Variants in FAM167A observed in about 807,000 individuals in gnomAD.
FAM167A encodes the protein protein FAM167A.
In FAM167A, 23 loss-of-function variants were observed where a neutral mutation model predicts 14.9. The observed-to-expected ratio is 1.55, with a 90% CI of 1.11 to 2.19. The LOEUF is 2.19. Among genes scored for constraint, FAM167A ranks in the 30% most tolerant of loss-of-function variants. The pLI, the probability that FAM167A is intolerant of heterozygous loss-of-function variation, is 0.00. For synonymous variants in FAM167A, 174 were observed against 117.7 expected, an observed-to-expected ratio of 1.48 and a Z score of -3.10; for missense variants, 401 against 281.5, an observed-to-expected ratio of 1.42 and a Z score of -3.04.
intron 1 of FAM167A, among the ~76,000 whole-genome samples, chr8:11,451,503 G>C (rs915035156): frequency 3.3e-5 from 5 of 152,364 alleles, no homozygotes; most frequent in African/African-American, 1.2e-4. Context: ...TGGACTGTGT[G>C]TCTGTTTGCC....
At chr8:11,443,458 G>A (rs1338068779) in intron 2 of FAM167A, among the ~76,000 whole-genome samples, 4 of 152,130 alleles carry the variant, frequency 2.6e-5, no homozygotes, top group Non-Finnish European at 5.9e-5. Context: ...CCCCAGGCAG[G>A]ACCCATCCCG....
chr8:11,421,643 G>A lies in FAM167A; in HGVS notation c.*2730C>T, dbSNP rs1486274105. ...TGGGTCTTGAACTCGGTCAGGCATC[G>A]TCAAGCCTGCCCAGGCCCTCCAGGC... On this transcript the variant is annotated 3_prime_UTR_variant, in exon 3 of 3. Coordinates refer to ENST00000284486, the MANE Select transcript of FAM167A (RefSeq NM_053279.3). The A allele has an allele frequency of 2.8e-5, 11 of 398,606 alleles. No homozygotes were observed. Among genetic ancestry groups the A allele is most frequent in the East Asian group, 3.6e-5 (1 of 28,086 alleles). 24.7% of individuals were successfully genotyped at this position (398,606 alleles called of 1,614,324 possible).
At chr8:11,428,038 A>C (rs1311685290) in intron 2 of FAM167A, among the ~76,000 whole-genome samples, 2 of 152,238 alleles carry the variant, frequency 1.3e-5, no homozygotes, top group Non-Finnish European at 1.5e-5. Context: ...CCATTGCCTT[A>C]GTACAGTCAT....
intron 1 of FAM167A, among the ~76,000 whole-genome samples, chr8:11,459,966 G>A (rs571666216): frequency 8.5e-5 from 13 of 152,326 alleles, no homozygotes; most frequent in African/African-American, 2.6e-4. Context: ...GACATCAGGT[G>A]ATCTGCCTGC....
chr8:11,429,522 G>T (rs1805427803), intron 2 of FAM167A, among the ~76,000 whole-genome samples: 2 of 152,230 alleles, frequency 1.3e-5, no homozygotes, highest in African/African-American at 2.4e-5. Context: ...GTTTGACATA[G>T]ATTGTTTCAT....
chr8:11,423,480 A>C lies in FAM167A; in HGVS notation c.*893T>G, dbSNP rs1478663854. On this transcript the variant is annotated 3_prime_UTR_variant, in exon 3 of 3. Transcript: ENST00000284486. ...TCTGGGCTCCCTAGATTGTCTTTCC[A>C]GAGAGGGCAGTAAGGTGACACCACC... is the stretch of plus-strand genomic sequence containing the variant. 1 of 152,562 alleles carries C rather than the reference A, an allele frequency of 6.6e-6. No individual in the cohort carries two copies. The highest frequency in any genetic ancestry group is 2.4e-5 in the African/African-American group (1 of 41,456). 9.5% of individuals were successfully genotyped at this position (152,562 alleles called of 1,614,324 possible).
At chr8:11,438,413 G>C (rs748397523) in intron 2 of FAM167A, 11 of 452,898 alleles carry the variant, frequency 2.4e-5, no homozygotes, top group Non-Finnish European at 4.0e-5. Flanking sequence ...GAGATTGAAG[G>C]CCTTACTTTT....
chr8:11,428,646 A>G (rs191714169), intron 2 of FAM167A, among the ~76,000 whole-genome samples: 14 of 152,314 alleles, frequency 9.2e-5, no homozygotes, highest in Non-Finnish European at 1.6e-4. Flanking sequence ...TCACATTTAG[A>G]TGCTCACAAT....
intron 1 of FAM167A, among the ~76,000 whole-genome samples, chr8:11,458,053 C>T (rs1173714586): frequency 7.1e-6 from 1 of 141,412 alleles, no homozygotes; most frequent in Non-Finnish European, 1.5e-5. Context: ...CAGCCAGAGT[C>T]GTTCACAGCT....
intron 2 of FAM167A, among the ~76,000 whole-genome samples, chr8:11,436,497 G>C (rs1053445310): frequency 6.6e-6 from 1 of 152,198 alleles, no homozygotes; most frequent in African/African-American, 2.4e-5. Flanking sequence ...GCTGCTGGGG[G>C]TCTCTGGGCC....
At chr8:11,437,532 G>C (rs933388575) in intron 2 of FAM167A, among the ~76,000 whole-genome samples, 1 of 152,200 alleles carries the variant, frequency 6.6e-6, no homozygotes, top group African/African-American at 2.4e-5. Context: ...CTGACTTGAA[G>C]TTGAATCTAA....
At chr8:11,436,193 C>A (rs775223076) in intron 2 of FAM167A, among the ~76,000 whole-genome samples, 7 of 152,248 alleles carry the variant, frequency 4.6e-5, no homozygotes, top group Admixed American at 2.0e-4. Flanking sequence ...CGTCAAAGGG[C>A]TGGTAATGCC....
chr8:11,445,493 T>G, intron 1 of FAM167A: 9 of 985,696 alleles, frequency 9.1e-6, no homozygotes, highest in Non-Finnish European at 1.1e-5. Flanking sequence ...CTGGGCTGGA[T>G]GGCTAAACAA....
At chr8:11,428,396 A>G (rs1406069883) in intron 2 of FAM167A, among the ~76,000 whole-genome samples, 2 of 152,232 alleles carry the variant, frequency 1.3e-5, no homozygotes, top group African/African-American at 4.8e-5. Context: ...GGACTGGACA[A>G]AGGCCGCCTG....
chr8:11,452,446 T>G (rs1367069105), intron 1 of FAM167A, among the ~76,000 whole-genome samples: 1 of 152,184 alleles, frequency 6.6e-6, no homozygotes, highest in Non-Finnish European at 1.5e-5. Context: ...GTGGTGCCTC[T>G]GGGCTGTTTC....
chr8:11,428,640 A>T (rs1805354338), intron 2 of FAM167A, among the ~76,000 whole-genome samples: 1 of 152,206 alleles, frequency 6.6e-6, no homozygotes, highest in Non-Finnish European at 1.5e-5. Context: ...GGGTTCTCAC[A>T]TTTAGATGCT....
At chr8:11,448,252 C>A (rs1806871711) in intron 1 of FAM167A, among the ~76,000 whole-genome samples, 1 of 151,638 alleles carries the variant, frequency 6.6e-6, no homozygotes, top group African/African-American at 2.4e-5. Flanking sequence ...GAGCATGAAC[C>A]CACACGAGGG....
At chr8:11,468,455 C>T (rs919491981), upstream of FAM167A, among the ~76,000 whole-genome samples, 1 of 152,234 alleles carries the variant, frequency 6.6e-6, no homozygotes. Flanking sequence ...AGTTATAATT[C>T]CAAGTTTACC....
chr8:11,447,917 C>G (rs904837430), intron 1 of FAM167A, among the ~76,000 whole-genome samples: 30 of 152,290 alleles, frequency 2.0e-4, no homozygotes, highest in African/African-American at 6.7e-4. Flanking sequence ...AAGAATTGGC[C>G]GGGCGCCGTG....
Sources: gnomAD v4.1 joint callset for allele counts (sites outside exome capture counted in the v4.1 genomes callset) on GRCh38, gnomAD v4.1.1 for gene constraint, MANE v1.5 for transcripts, NCBI Gene and HGNC (gene_info 2026-07-23, HGNC 2026-07-21) for gene names.